Variants in ARAP2 observed in about 807,000 individuals in gnomAD.
ARAP2 encodes the protein ArfGAP with RhoGAP domain, ankyrin repeat and PH domain 2.
A neutral mutation model predicts 194.5 loss-of-function variants in ARAP2; 148 were observed. The observed-to-expected ratio is 0.76, with a 90% confidence interval of 0.67 to 0.87. The LOEUF is 0.87. Among genes scored for constraint, ARAP2 ranks in the 40% least tolerant of loss-of-function variants. The probability of loss-of-function intolerance (pLI) is 0.00; values close to 1 mark genes in which losing one functional copy is unlikely to be tolerated. For synonymous variants in ARAP2, 695 were observed against 683.5 expected (o/e 1.02, Z -0.26); for missense variants, 2,128 against 1,989.7 (o/e 1.07, Z -1.32).
chr4:36,161,950 T>C (rs184297513), intron 11 of ARAP2, among the ~76,000 whole-genome samples: 4 of 151,252 alleles, frequency 2.6e-5, no homozygotes, highest in African/African-American at 9.7e-5. Flanking sequence ...CTACTAAAAA[T>C]ACAAAAAATT....
chr4:36,225,740 A>G (rs1479103617), intron 2 of ARAP2, among the ~76,000 whole-genome samples: 2 of 152,092 alleles, frequency 1.3e-5, no homozygotes, highest in Non-Finnish European at 2.9e-5. Flanking sequence ...ATGTCAGGAA[A>G]AGACTGCAAA....
At chr4:36,193,736 T>G in intron 6 of ARAP2, 89 bp from the exon 7 acceptor site, 1 of 986,588 alleles carries the variant, frequency 1.0e-6, no homozygotes, top group Non-Finnish European at 1.5e-6. Context: ...TGTAAATATA[T>G]TATTATTTAA....
chr4:36,104,692 A>C (rs921958066), intron 27 of ARAP2, among the ~76,000 whole-genome samples: 4 of 152,060 alleles, frequency 2.6e-5, no homozygotes, highest in African/African-American at 9.7e-5. Flanking sequence ...AACCAACCAT[A>C]ATGAAAGAGA....
intron 19 of ARAP2, among the ~76,000 whole-genome samples, chr4:36,137,857 G>T (rs770595353): frequency 6.6e-6 from 1 of 151,670 alleles, no homozygotes; most frequent in Non-Finnish European, 1.5e-5. Flanking sequence ...GTGTATTTCT[G>T]TTGCCTTTCT....
Position 36,147,323 on chromosome 4 carries a change from T to A in ARAP2, c.3236A>T (p.Asp1079Val). ...CCCTTTTTCTACCAAGAGTAAAACA[T>A]CCAGTTTTTCCCCATTTTGAACCAT... ...STMVQNGEKL[D>V]VLLLVEKGRT... is the part of the protein sequence containing the mutation. The change falls in exon 19 of 33, where the codon GAT becomes GTT. Residue 1079 changes from aspartate to valine, a missense_variant. Asp to Val is a radical substitution (Grantham distance 152, BLOSUM62 -3). Transcript: ENST00000303965. The A allele has an allele frequency of 6.2e-7, 1 of 1,612,898 alleles. No individual in the cohort carries two copies. The highest frequency in any genetic ancestry group is 1.1e-5 in the South Asian group (1 of 91,002).
chr4:36,118,417 G>C (rs559732705), intron 24 of ARAP2, among the ~76,000 whole-genome samples: 1 of 150,982 alleles, frequency 6.6e-6, no homozygotes, highest in Non-Finnish European at 1.5e-5. Flanking sequence ...AAATACTCCA[G>C]AAGACAGTTT....
At position 36,229,255 on chromosome 4, in the gene ARAP2, C is replaced by T. The variant is rs368094638; in HGVS notation, c.232G>A (p.Ala78Thr). The T allele has an allele frequency of 9.3e-6, 15 of 1,613,870 alleles. No homozygotes were observed. Among genetic ancestry groups the T allele is most frequent in the Non-Finnish European group, 1.3e-5 (15 of 1,179,942 alleles). Residue 78 changes from alanine (A) to threonine (T), a missense_variant, in exon 2 of 33, where the codon GCA (alanine) becomes ACA (threonine). By Grantham distance (58) the Ala-to-Thr change is moderately conservative (BLOSUM62 0). Coordinates refer to ENST00000303965, the MANE Select transcript of ARAP2 (RefSeq NM_015230.4). Reference sequence around the variant, plus strand: ...TTCTTCTTAGTTTTATGAACATTTGCATATATTGGAATATCTTGCATTTTT... The same window carrying T: ...TTCTTCTTAGTTTTATGAACATTTGTATATATTGGAATATCTTGCATTTTT... Reference protein sequence around the residue: ...LSKMQDIPIYANVHKTKKNDD... With the variant: ...LSKMQDIPIYTNVHKTKKNDD...
intron 5 of ARAP2, among the ~76,000 whole-genome samples, chr4:36,031,557 T>G (rs1431819740): frequency 6.6e-6 from 1 of 152,178 alleles, no homozygotes; most frequent in African/African-American, 2.4e-5. Context: ...ATACCATGCC[T>G]CTTAACCAGA....
In ARAP2 at chr4:36,068,248, G is replaced by A. The variant is rs1384021463; in HGVS notation, c.4774C>T (p.Leu1592Phe). Residue 1592 changes from leucine (L) to phenylalanine (F), a missense_variant, in exon 33 of 33, where the codon CTC becomes TTC. Coordinates refer to ENST00000303965, the MANE Select transcript of ARAP2 (RefSeq NM_015230.4). ...GACTCTTTATCACACTTTTCACTGAGCCGCAGCCTTTCAAGTTCTGCTCTT... is the reference window on the plus strand; with the variant it reads ...GACTCTTTATCACACTTTTCACTGAACCGCAGCCTTTCAAGTTCTGCTCTT... ...SARAELERLR[L>F]SEKCDKESVD... The A allele has an allele frequency of 1.3e-6, 2 of 1,570,332 alleles. No individual in the cohort carries two copies. Among genetic ancestry groups the A allele is most frequent in the East Asian group, 4.5e-5 (2 of 44,398 alleles).
chr4:36,112,857 A>T (rs1430667331), intron 26 of ARAP2, among the ~76,000 whole-genome samples: 2 of 151,922 alleles, frequency 1.3e-5, no homozygotes, highest in Non-Finnish European at 2.9e-5. Context: ...TGGAGGAAGA[A>T]CAAAGGTATA....
chr4:36,208,917 AACCTTAGGC>A (rs775129788), intron 6 of ARAP2, among the ~76,000 whole-genome samples: 1 of 152,178 alleles, frequency 6.6e-6, no homozygotes, highest in Non-Finnish European at 1.5e-5. Context: ...TACAGCATCT[AACCTTAGGC>A]AGGTTCAGAA....
In ARAP2 at chr4:36,219,366, G is replaced by T. The variant is rs540878795; in HGVS notation, c.906-4886C>A. Among the ~76,000 whole-genome samples the T allele has an allele frequency of 3.3e-5, 5 of 152,248 alleles. No individual in the cohort carries two copies. The East Asian group carries it at 9.6e-4, about 29-fold the overall frequency. On this transcript the variant is annotated intron_variant, in intron 2 of 32. Transcript: ENST00000303965. The stretch of plus-strand genomic sequence containing the variant: ...GAACAATCTGACATGCAACAACACA[G>T]ACACATCTCAAAAACATCTTACTGA...
In ARAP2 at chr4:36,229,266, A is replaced by T. The variant is rs774352506; in HGVS notation, c.221T>A (p.Ile74Asn). 1.2e-6 allele frequency: 2 copies of T among 1,613,886 alleles called. No individual in the cohort carries two copies. ...LQIILSKMQD[I>N]PIYANVHKTK... ...TTTATGAACATTTGCATATATTGGA[A>T]TATCTTGCATTTTTGACAAGATTAT... The change falls in exon 2 of 33, where the codon ATT becomes AAT. Residue 74 changes from isoleucine (I) to asparagine (N), a missense_variant. Coordinates refer to ENST00000303965, the MANE Select transcript of ARAP2 (RefSeq NM_015230.4).
intron 5 of ARAP2, among the ~76,000 whole-genome samples, chr4:36,019,461 C>T (rs1417543601): frequency 1.3e-5 from 2 of 149,274 alleles, no homozygotes; most frequent in Non-Finnish European, 2.9e-5. Flanking sequence ...AACTTACAAA[C>T]AATTTTAGGA....
rs759250118 is a variant in ARAP2, at chr4:36,229,329, G to A, written c.158C>T (p.Pro53Leu). 2 of 1,614,054 alleles carry A rather than the reference G, an allele frequency of 1.2e-6. No homozygotes were observed. The highest frequency in any genetic ancestry group is 1.7e-6 in the Non-Finnish European group (2 of 1,179,984). Residue 53 changes from proline to leucine, a missense_variant, in exon 2 of 33, where the codon CCT becomes CTT. By Grantham distance (98) the Pro-to-Leu change is moderately conservative. Transcript: ENST00000303965. Reference protein sequence around the residue: ...DSLLQKIGISPTGHRRRILKQ... With the variant: ...DSLLQKIGISLTGHRRRILKQ... ...AAGTATCCTCCTACGGTGACCTGTA[G>A]GTGATATTCCAATTTTCTGCAGCAG...
chr4:36,077,426 T>C (rs1728501449), intron 31 of ARAP2, among the ~76,000 whole-genome samples: 1 of 152,034 alleles, frequency 6.6e-6, no homozygotes, highest in African/African-American at 2.4e-5. Context: ...TTCTCTTCTC[T>C]TCTACCTATT....
chr4:36,135,672 T>C (rs1726530770), intron 19 of ARAP2, among the ~76,000 whole-genome samples: 1 of 151,822 alleles, frequency 6.6e-6, no homozygotes, highest in Non-Finnish European at 1.5e-5. Context: ...TGAAATCATA[T>C]AACTCAGATA....
intron 19 of ARAP2, among the ~76,000 whole-genome samples, chr4:36,135,326 C>T (rs1275873369): frequency 6.6e-6 from 1 of 151,668 alleles, no homozygotes; most frequent in Admixed American, 6.6e-5. Flanking sequence ...CAAAAAACTT[C>T]CTTTCTTTCC....
chr4:36,008,365 T>C (rs1203320173), intron 9 of ARAP2, among the ~76,000 whole-genome samples: 1 of 151,916 alleles, frequency 6.6e-6, no homozygotes, highest in Non-Finnish European at 1.5e-5. Context: ...AAGAAAAGAA[T>C]AGAGAACCCA....
Sources: allele counts gnomAD v4.1 joint callset (sites outside exome capture counted in the v4.1 genomes callset), GRCh38; gene constraint gnomAD v4.1.1; transcripts MANE v1.5; gene names NCBI Gene and HGNC (gene_info 2026-07-23, HGNC 2026-07-21).